The following CA12 variants were observed in gnomAD, a reference collection of about 807,000 sequenced individuals.
CA12 encodes the protein carbonate dehydratase XII.
CA12 carries 36 observed loss-of-function variants against 46.8 expected under a neutral mutation model. The ratio of observed to expected loss-of-function variants is 0.77; its 90% CI spans 0.59 to 1.02. The LOEUF is 1.02. CA12 is among the 50% of genes least tolerant of loss of function. The pLI is 0.00. For missense variants in CA12, 436 were observed against 451.4 expected, an observed-to-expected ratio of 0.97 and a Z score of 0.31; for synonymous variants, 202 against 187.0, an observed-to-expected ratio of 1.08 and a Z score of -0.65.
rs903640408 is a variant in CA12 at position 63,372,216 on chromosome 15, G to C, written c.106+3442C>G. On this transcript the variant is annotated intron_variant, in intron 2 of 10. Coordinates refer to ENST00000178638, the MANE Select transcript of CA12 (RefSeq NM_001218.5). The surrounding 1 kb of genome is among the most constrained non-coding windows in gnomAD (Gnocchi z 4.5). ...AGTTCACAGCAAGTGAAGCTGCCGG[G>C]CTCAGCGGGATTGATGCGGGACTGA... Among the ~76,000 whole-genome samples the C allele has an allele frequency of 2.6e-5, 4 of 152,200 alleles. No homozygotes were observed. The highest frequency in any genetic ancestry group is 7.2e-5 in the African/African-American group (3 of 41,434).
Position 63,329,725 on chromosome 15 carries a change from T to C in CA12, c.875-1595A>G, listed in dbSNP as rs1276855312. 6.6e-6 allele frequency among the ~76,000 whole-genome samples: 1 copy of C among 152,106 alleles called. No homozygotes were observed. Among genetic ancestry groups the C allele is most frequent in the Non-Finnish European group, 1.5e-5 (1 of 68,010 alleles). ...GGTGGCTGAGGCCCTGGGAGAGCCC[T>C]GGTCAAGTGTAAGATGCCAGCAGGG... is the stretch of plus-strand genomic sequence containing the variant. On this transcript the variant is annotated intron_variant, in intron 8 of 10. Transcript: ENST00000178638. This position sits in a 1 kb window ranked among gnomAD's most constrained non-coding sequence, Gnocchi z 4.8.
At chr15:63,351,282 G>A (rs1010353211) in intron 2 of CA12, among the ~76,000 whole-genome samples, 3 of 152,110 alleles carry the variant, frequency 2.0e-5, no homozygotes, top group Non-Finnish European at 4.4e-5. Context: ...TTAGGCCCTC[G>A]CCATGTCACA....
intron 2 of CA12, among the ~76,000 whole-genome samples, chr15:63,352,451 G>T (rs1567048292): frequency 6.6e-6 from 1 of 152,218 alleles, no homozygotes; most frequent in African/African-American, 2.4e-5. Flanking sequence ...AGAAAGAGGG[G>T]CTCACTGATG....
chr15:63,334,273 T>C (rs2038970968), intron 8 of CA12, among the ~76,000 whole-genome samples: 3 of 126,326 alleles, frequency 2.4e-5, no homozygotes, highest in Non-Finnish European at 5.1e-5. Context: ...TTTTTTTTTT[T>C]CAGATGGAGT....
Position 63,339,625 on chromosome 15 carries a change from C to T in CA12, c.747+663G>A, listed in dbSNP as rs8040632. Among the ~76,000 whole-genome samples, 10 of 152,206 alleles carry T rather than the reference C, an allele frequency of 6.6e-5. No homozygotes were observed. The highest frequency in any genetic ancestry group is 5.8e-4 in the East Asian group (3 of 5,182). On this transcript the variant is annotated intron_variant, in intron 7 of 10. Coordinates refer to ENST00000178638, the MANE Select transcript of CA12 (RefSeq NM_001218.5). This position sits in a 1 kb window ranked among gnomAD's most constrained non-coding sequence, Gnocchi z 4.3. ...GGCTGCCCTGGACGCATGAAGCTGGCGTGGGGCTGTGAGCCAGGGTGTAGT... is the reference window on the plus strand; with the variant it reads ...GGCTGCCCTGGACGCATGAAGCTGGTGTGGGGCTGTGAGCCAGGGTGTAGT...
rs758822415 is a variant in CA12 at position 63,328,688 on chromosome 15, T to TTTTG, written c.875-562_875-559dup. ...GGCTAGGGCAAGACTTCACTTGAGT[T>TTTTG]TTTGTTTGTTTGTTTGTTTGTGTTT... On this transcript the variant is annotated intron_variant, in intron 8 of 10. Coordinates refer to ENST00000178638, the MANE Select transcript of CA12 (RefSeq NM_001218.5). The surrounding 1 kb of genome is among the most constrained non-coding windows in gnomAD (Gnocchi z 5.9). Among the ~76,000 whole-genome samples, 15 of 152,024 alleles carry TTTTG rather than the reference T, an allele frequency of 9.9e-5. No individual in the cohort carries two copies. Among genetic ancestry groups the TTTTG allele is most frequent in the Middle Eastern group, 3.4e-3 (1 of 294 alleles).
chr15:63,357,657 CTT>C (rs34001115), intron 2 of CA12, among the ~76,000 whole-genome samples: 3 of 151,498 alleles, frequency 2.0e-5, no homozygotes, highest in South Asian at 4.2e-4. Flanking sequence ...TTCTTTCTTT[CTT>C]TTTTTTTTAA....
chr15:63,352,339 G>A (rs1165580416), intron 2 of CA12, among the ~76,000 whole-genome samples: 2 of 152,238 alleles, frequency 1.3e-5, no homozygotes, highest in Non-Finnish European at 2.9e-5. Context: ...ATACAGGCGC[G>A]AGCCACCGCA....
At chr15:63,353,992 G>A (rs138390050) in intron 2 of CA12, among the ~76,000 whole-genome samples, 1 of 152,320 alleles carries the variant, frequency 6.6e-6, no homozygotes, top group Non-Finnish European at 1.5e-5. Context: ...CATCACCTTG[G>A]TAAGAGGTTG....
chr15:63,348,611 A>C lies in CA12; in HGVS notation c.107-1902T>G, dbSNP rs1241184389. Among the ~76,000 whole-genome samples the C allele has an allele frequency of 6.6e-6, 1 of 152,214 alleles. No homozygotes were observed. Among genetic ancestry groups the C allele is most frequent in the Non-Finnish European group, 1.5e-5 (1 of 68,038 alleles). ...CTGCCAGCCAGGCATGAATGCAAAA[A>C]ACTCAGGAAGTAAAGAGATGCATCA... On this transcript the variant is annotated intron_variant, in intron 2 of 10. Coordinates refer to ENST00000178638, the MANE Select transcript of CA12 (RefSeq NM_001218.5). The surrounding 1 kb of genome is among the most constrained non-coding windows in gnomAD (Gnocchi z 4.6).
chr15:63,339,994 C>T lies in CA12; in HGVS notation c.747+294G>A. 2.3e-6 allele frequency: 1 copy of T among 426,600 alleles called. No homozygotes were observed. The highest frequency in any genetic ancestry group is 4.4e-6 in the Non-Finnish European group (1 of 228,314). 26.4% of individuals were successfully genotyped at this position (426,600 alleles called of 1,614,324 possible). On this transcript the variant is annotated intron_variant, in intron 7 of 10. Transcript: ENST00000178638. The surrounding 1 kb of genome is among the most constrained non-coding windows in gnomAD (Gnocchi z 4.3). ...GCCCTGTAAAGGAACCAGGCTCTCT[C>T]CTGCCTGGGAAGTGAATACCACCCA...
rs1199938748 is a variant in CA12 at position 63,372,704 on chromosome 15, A to G, written c.106+2954T>C. Among the ~76,000 whole-genome samples the G allele has an allele frequency of 6.6e-6, 1 of 152,206 alleles. No individual in the cohort carries two copies. The highest frequency in any genetic ancestry group is 1.5e-5 in the Non-Finnish European group (1 of 68,028). ...TGTCTACCTGTGCAGCCCTGAGCAC[A>G]GGTGCCAGCTGCCAGCCAGGACCTA... On this transcript the variant is annotated intron_variant, in intron 2 of 10. Transcript: ENST00000178638. The surrounding 1 kb of genome is among the most constrained non-coding windows in gnomAD (Gnocchi z 4.5).
intron 2 of CA12, among the ~76,000 whole-genome samples, chr15:63,367,650 T>A (rs908307915): frequency 2.0e-5 from 3 of 152,226 alleles, no homozygotes; most frequent in African/African-American, 7.2e-5. Flanking sequence ...GCTGACCTAG[T>A]CACGAGTTAA....
intron 2 of CA12, among the ~76,000 whole-genome samples, chr15:63,351,097 T>C (rs1271705734): frequency 6.6e-6 from 1 of 152,218 alleles, no homozygotes; most frequent in Non-Finnish European, 1.5e-5. Flanking sequence ...ATACAGTCCA[T>C]ATATTTTTTG....
Position 63,340,719 on chromosome 15 carries a change from C to T in CA12, c.589+1G>A, listed in dbSNP as rs748610754. The T allele has an allele frequency of 6.2e-7, 1 of 1,614,038 alleles. No homozygotes were observed. The highest frequency in any genetic ancestry group is 1.1e-5 in the South Asian group (1 of 91,088). ...TGAATATGCATGCAAGGACCCCTCA[C>T]CTTTGTACTTTACATGTTGAAGGTG... On this transcript the variant is annotated splice_donor_variant, in intron 6 of 10. Coordinates refer to ENST00000178638, the MANE Select transcript of CA12 (RefSeq NM_001218.5). LOFTEE classifies it high-confidence loss of function. The surrounding 1 kb of genome is among the most constrained non-coding windows in gnomAD (Gnocchi z 4.4).
Position 63,326,233 on chromosome 15 carries a change from G to A in CA12, c.*52C>T. ...GCAAGTGTCCAGAGAGCCGAAGTGT[G>A]TAGGGTCCAAAGCAAGGTCCTTCCT... On this transcript the variant is annotated 3_prime_UTR_variant, in exon 11 of 11. Transcript: ENST00000178638. 6 of 1,380,924 alleles carry A rather than the reference G, an allele frequency of 4.3e-6. No homozygotes were observed. The highest frequency in any genetic ancestry group is 6.2e-6 in the Non-Finnish European group (6 of 967,406). 85.5% of individuals were successfully genotyped at this position (1,380,924 alleles called of 1,614,324 possible).
At chr15:63,350,131 CTAGTGGGTGT>C (rs1490913507) in intron 2 of CA12, among the ~76,000 whole-genome samples, 1 of 152,190 alleles carries the variant, frequency 6.6e-6, no homozygotes, top group Non-Finnish European at 1.5e-5. Context: ...CATGTAATGG[CTAGTGGGTGT>C]CCCCGCCTTG....
chr15:63,348,398 A>G lies in CA12; in HGVS notation c.107-1689T>C, dbSNP rs114829243. On this transcript the variant is annotated intron_variant, in intron 2 of 10. Coordinates refer to ENST00000178638, the MANE Select transcript of CA12 (RefSeq NM_001218.5). This position sits in a 1 kb window ranked among gnomAD's most constrained non-coding sequence, Gnocchi z 4.6. The stretch of plus-strand genomic sequence containing the variant: ...TCCAGGGCCAAACTGGAGTAAGACA[A>G]TTATTCAGCTGGGGGCCAAACCGAA... Among the ~76,000 whole-genome samples the G allele has an allele frequency of 3.3e-3, 498 of 152,322 alleles. No individual in the cohort carries two copies. The highest frequency in any genetic ancestry group is 0.012 in the African/African-American group (479 of 41,566).
At chr15:63,333,086 A>G (rs1249304653) in intron 8 of CA12, among the ~76,000 whole-genome samples, 6 of 152,224 alleles carry the variant, frequency 3.9e-5, no homozygotes, top group Non-Finnish European at 7.3e-5. Context: ...GAGGACTTCC[A>G]GGAGGACGTG....
Sources: allele counts gnomAD v4.1 joint callset (sites outside exome capture counted in the v4.1 genomes callset), GRCh38; gene constraint gnomAD v4.1.1; non-coding constraint Gnocchi (gnomAD v3.1); transcripts MANE v1.5; gene names NCBI Gene and HGNC (gene_info 2026-07-23, HGNC 2026-07-21).